HMSD: variants seen among roughly 807,000 people sequenced by gnomAD.
HMSD encodes the protein serpin-like protein HMSD.
A neutral mutation model predicts 10.0 loss-of-function variants in HMSD; 13 were observed. The ratio of observed to expected loss-of-function variants is 1.31; its 90% CI spans 0.85 to 2.08. HMSD has a LOEUF of 2.08. Among genes scored for constraint, HMSD ranks in the 30% most tolerant of loss-of-function variants. The pLI, the probability that HMSD is intolerant of heterozygous loss-of-function variation, is 0.00. For missense variants in HMSD, 169 were observed against 166.3 expected (o/e 1.02, Z -0.09); for synonymous variants, 51 against 54.2 (o/e 0.94, Z 0.26).
At chr18:63,963,931 A>G (rs1400878669), downstream of HMSD, among the ~76,000 whole-genome samples, 1 of 152,214 alleles carries the variant, frequency 6.6e-6, no homozygotes, top group Non-Finnish European at 1.5e-5. Context: ...TCACTTGGTC[A>G]TCTGTAGCCA....
intron 3 of HMSD, among the ~76,000 whole-genome samples, 164 bp from the exon 4 acceptor site, chr18:63,959,994 A>C (rs2050377649): frequency 6.6e-6 from 1 of 152,236 alleles, no homozygotes; most frequent in African/African-American, 2.4e-5. Context: ...GATTAGGAAT[A>C]GCTGAAAAGA....
intron 3 of HMSD, among the ~76,000 whole-genome samples, chr18:63,958,168 A>C (rs768726622): frequency 1.3e-5 from 2 of 152,232 alleles, no homozygotes; most frequent in African/African-American, 2.4e-5. Context: ...GTTACGTGGT[A>C]CTGAGAATTC....
At chr18:63,950,190 G>A (rs111927492) in intron 1 of HMSD, among the ~76,000 whole-genome samples, 2,583 of 152,144 alleles carry the variant, frequency 0.017, 85 homozygotes, top group African/African-American at 0.059. Context: ...GCTGAGGGGG[G>A]CGGATCACGA....
At chr18:63,963,111 T>TTCTTTCTTTC (rs772197054), downstream of HMSD, among the ~76,000 whole-genome samples, 1 of 143,486 alleles carries the variant, frequency 7.0e-6, no homozygotes, top group Non-Finnish European at 1.5e-5. Flanking sequence ...CTTTCTTTCT[T>TTCTTTCTTTC]TCTTTCTTTC....
At chr18:63,960,018 G>T in intron 3 of HMSD, 140 bp from the exon 4 acceptor site, 1 of 889,856 alleles carries the variant, frequency 1.1e-6, no homozygotes, top group Non-Finnish European at 1.7e-6. Context: ...TGGACTTTAG[G>T]TTAATTCCTC....
chr18:63,961,268 T>C lies in HMSD; in HGVS notation c.*913T>C, dbSNP rs1189000480. 1 of 152,008 alleles carries C rather than the reference T, an allele frequency of 6.6e-6. No individual in the cohort carries two copies. Among genetic ancestry groups the C allele is most frequent in the Non-Finnish European group, 1.5e-5 (1 of 67,996 alleles). The allele number at this position is 152,008 out of a possible 1,614,324, so 9.4% of individuals were successfully genotyped here. A position where few individuals can be genotyped will look rare whatever the true frequency, so the allele number is the denominator to read the frequency against. On this transcript the variant is annotated 3_prime_UTR_variant, in exon 4 of 4. Coordinates refer to ENST00000408945, the MANE Select transcript of HMSD (RefSeq NM_001123366.2). ...CAATATGAATTATGAAAATGAATGA[T>C]AATGGTTTTATCTGTTATAGAAATA...
chr18:63,953,287 G>T, intron 1 of HMSD, 67 bp from the exon 2 acceptor site: 1 of 564,880 alleles, frequency 1.8e-6, no homozygotes, highest in South Asian at 2.1e-5. Flanking sequence ...GTAATAAATA[G>T]AGTGAAAAGT....
chr18:63,969,008 G>A lies in HMSD; in HGVS notation n.312+8733G>A, dbSNP rs555745846. ...GAGATCTTTACTTAATTGGTTTGGG[G>A]TGCAGAGTGGGAATGTGCATCTTTA... On this transcript the variant is annotated intron_variant and non_coding_transcript_variant, in intron 3 of 5. Coordinates refer to the HMSD transcript ENST00000481726. Among the ~76,000 whole-genome samples the A allele has an allele frequency of 2.2e-3, 337 of 152,288 alleles. 1 individual carries two copies. Among genetic ancestry groups the A allele is most frequent in the Admixed American group, 3.8e-3 (58 of 15,306 alleles).
chr18:63,953,390 C>A lies in HMSD; in HGVS notation c.-66C>A. 2 of 1,222,458 alleles carry A rather than the reference C, an allele frequency of 1.6e-6. No homozygotes were observed. Among genetic ancestry groups the A allele is most frequent in the Non-Finnish European group, 2.4e-6 (2 of 836,460 alleles). The allele number at this position is 1,222,458 out of a possible 1,614,324, so 75.7% of individuals were successfully genotyped here. On this transcript the variant is annotated 5_prime_UTR_variant, in exon 2 of 4. Transcript: ENST00000408945. ...TGGATGCTCTATCAGAAGCAAATGG[C>A]ACATTTGCATTAAACCTTTTGAAAA...
rs1412086333 is a variant in HMSD, at chr18:63,954,535, A to G, written c.200A>G (p.Glu67Gly). The change falls in exon 3 of 4, where the codon GAA (glutamate) becomes GGA (glycine). Residue 67 changes from glutamate to glycine, a missense_variant. Coordinates refer to ENST00000408945, the MANE Select transcript of HMSD (RefSeq NM_001123366.2). The stretch of plus-strand genomic sequence containing the variant: ...AGAACTGCCAACGGGCTCTTTGGAG[A>G]AAAGTCTTATGATTTCCTCACAGTA... ...VLRTANGLFG[E>G]KSYDFLTGFT... 1 of 1,612,378 alleles carries G rather than the reference A, an allele frequency of 6.2e-7. No homozygotes were observed. The highest frequency in any genetic ancestry group is 1.7e-5 in the Admixed American group (1 of 59,942).
At chr18:63,965,232 G>C (rs937619648), downstream of HMSD, among the ~76,000 whole-genome samples, 1 of 152,154 alleles carries the variant, frequency 6.6e-6, no homozygotes, top group Non-Finnish European at 1.5e-5. Flanking sequence ...TGAGATTAAT[G>C]CTGAACCAGA....
At chr18:63,966,500 C>T (rs1471734704), downstream of HMSD, 1 of 152,180 alleles carries the variant, frequency 6.6e-6, no homozygotes, top group Non-Finnish European at 1.5e-5. Context: ...CTAACGCAGT[C>T]AGAACACATT....
At chr18:63,962,015 C>G (rs2050389103), downstream of HMSD, among the ~76,000 whole-genome samples, 1 of 152,216 alleles carries the variant, frequency 6.6e-6, no homozygotes, top group Non-Finnish European at 1.5e-5. Flanking sequence ...ATTTCCCTTA[C>G]ACTATGTAGT....
chr18:63,960,860 T>A lies in HMSD; in HGVS notation c.*505T>A, dbSNP rs570392991. The A allele has an allele frequency of 3.2e-5, 5 of 154,418 alleles. No individual in the cohort carries two copies. Among genetic ancestry groups the A allele is most frequent in the African/African-American group, 4.8e-5 (2 of 41,568 alleles). 9.6% of individuals were successfully genotyped at this position (154,418 alleles called of 1,614,324 possible). A position where few individuals can be genotyped will look rare whatever the true frequency, so the allele number is the denominator to read the frequency against. The stretch of plus-strand genomic sequence containing the variant: ...CTTAGCTTCAGGGAGAGAATGAGAC[T>A]GAAGATTACAAGGAGACATCCACAT... On this transcript the variant is annotated 3_prime_UTR_variant, in exon 4 of 4. Transcript: ENST00000408945.
chr18:63,954,470 T>A lies in HMSD; in HGVS notation c.135T>A (p.Leu45=). 1 of 1,613,840 alleles carries A rather than the reference T, an allele frequency of 6.2e-7. No individual in the cohort carries two copies. The change falls in exon 3 of 4, where the codon CTT becomes CTA. Residue 45 remains leucine, a synonymous_variant. Transcript: ENST00000408945. Reference sequence around the variant, plus strand: ...ATATTCATCGAGGTTTTCAGTCACTTCTTGTTGCAATTAACAGAACTGACA... The same window carrying A: ...ATATTCATCGAGGTTTTCAGTCACTACTTGTTGCAATTAACAGAACTGACA... The part of the protein sequence containing the change: ...DGDIHRGFQS[L]LVAINRTDTE...
intron 3 of HMSD, among the ~76,000 whole-genome samples, chr18:63,956,234 A>G (rs2050357349): frequency 6.6e-6 from 1 of 152,234 alleles, no homozygotes; most frequent in African/African-American, 2.4e-5. Flanking sequence ...GACATAAGTA[A>G]ACTGAAAAGT....
At chr18:63,957,856 T>C (rs1439771259) in intron 3 of HMSD, among the ~76,000 whole-genome samples, 3 of 152,232 alleles carry the variant, frequency 2.0e-5, no homozygotes, top group Non-Finnish European at 4.4e-5. Context: ...TTTATTCTTA[T>C]TTTCAAGAAT....
intron 1 of HMSD, among the ~76,000 whole-genome samples, chr18:63,950,708 C>CAAA (rs756429257): frequency 2.9e-4 from 43 of 146,614 alleles, no homozygotes; most frequent in African/African-American, 1.1e-3. Context: ...AGGCATTTGG[C>CAAA]AAAAAAAAGA....
chr18:63,969,553 G>A (rs1245865550), intron 3 of HMSD: 2 of 152,198 alleles, frequency 1.3e-5, no homozygotes, highest in Non-Finnish European at 2.9e-5. Flanking sequence ...TACGGCTCGA[G>A]ACAGGTTAGA....
Sources: gnomAD v4.1 joint callset for allele counts (sites outside exome capture counted in the v4.1 genomes callset) on GRCh38, gnomAD v4.1.1 for gene constraint, MANE v1.5 for transcripts, NCBI Gene and HGNC (gene_info 2026-07-23, HGNC 2026-07-21) for gene names.